HOMER1: variants seen among roughly 807,000 people sequenced by gnomAD.
HOMER1 encodes homer scaffold protein 1, also known as homer protein homolog 1.
A neutral mutation model predicts 48.9 loss-of-function variants in HOMER1; 3 were observed. The ratio of observed to expected loss-of-function variants is 0.06; its 90% CI spans 0.03 to 0.16. HOMER1 has a LOEUF of 0.16. Ranked by LOEUF, HOMER1 falls within the 10% of genes least tolerant of loss-of-function variation. The pLI, the probability that HOMER1 is intolerant of heterozygous loss-of-function variation, is 1.00. For missense variants in HOMER1, 247 were observed against 411.4 expected (o/e 0.60, Z 3.46); for synonymous variants, 134 against 146.4 (o/e 0.92, Z 0.61).
rs1749263058 is a variant in HOMER1 at position 79,391,887 on chromosome 5, T to TG, written c.876+4935dup. On this transcript the variant is annotated intron_variant, in intron 8 of 8. Coordinates refer to ENST00000334082, the MANE Select transcript of HOMER1 (RefSeq NM_004272.5). Reference sequence around the variant, plus strand: ...CCATTGAATACAGTCATGCACAGCATGACAATGCATGACAATGTTTTGATC... The same window carrying TG: ...CCATTGAATACAGTCATGCACAGCATGGACAATGCATGACAATGTTTTGATC... Among the ~76,000 whole-genome samples the TG allele has an allele frequency of 2.6e-5, 4 of 152,178 alleles. No individual in the cohort carries two copies. The South Asian group carries it at 8.3e-4, about 31-fold the overall frequency.
intron 1 of HOMER1, among the ~76,000 whole-genome samples, chr5:79,484,660 A>C (rs1048578997): frequency 6.6e-6 from 1 of 152,210 alleles, no homozygotes; most frequent in Non-Finnish European, 1.5e-5. Flanking sequence ...CCACCTTAAA[A>C]ATCATTTTAA....
At chr5:79,398,149 GAT>G (rs1200051544) in intron 6 of HOMER1, among the ~76,000 whole-genome samples, 3 of 152,120 alleles carry the variant, frequency 2.0e-5, no homozygotes, top group Non-Finnish European at 4.4e-5. Context: ...TTACGGGTAA[GAT>G]AAAATTTTGT....
rs188278861 is a variant in HOMER1 at position 79,447,893 on chromosome 5, A to G, written c.295-748T>C. The stretch of plus-strand genomic sequence containing the variant: ...ATCAGTGAGAATAAGTTAAGACTAC[A>G]TAATAACTACATGTAAAAACCCCAA... On this transcript the variant is annotated intron_variant, in intron 3 of 8. Transcript: ENST00000334082. 5.0e-3 allele frequency among the ~76,000 whole-genome samples: 760 copies of G among 152,344 alleles called. 7 individuals carry two copies. Among genetic ancestry groups the G allele is most frequent in the South Asian group, 7.7e-3 (37 of 4,832 alleles).
chr5:79,413,336 A>T (rs188501887), intron 5 of HOMER1, among the ~76,000 whole-genome samples: 1 of 152,358 alleles, frequency 6.6e-6, no homozygotes, highest in African/African-American at 2.4e-5. Context: ...ATCCTGTATC[A>T]CATGTATTAG....
intron 1 of HOMER1, among the ~76,000 whole-genome samples, chr5:79,478,464 G>A (rs1270802240): frequency 9.2e-5 from 14 of 151,780 alleles, no homozygotes; most frequent in African/African-American, 1.9e-4. Context: ...CGAGGCGGGC[G>A]GATTGCCTGA....
At chr5:79,378,861 C>T (rs998810747) in intron 8 of HOMER1, among the ~76,000 whole-genome samples, 2 of 151,504 alleles carry the variant, frequency 1.3e-5, no homozygotes, top group Non-Finnish European at 2.9e-5. Context: ...TTGTGTTATT[C>T]TCTCTAGAAT....
chr5:79,414,590 G>C (rs1749896648), intron 5 of HOMER1, among the ~76,000 whole-genome samples: 1 of 152,002 alleles, frequency 6.6e-6, no homozygotes, highest in Non-Finnish European at 1.5e-5. Context: ...TGTTGCCCAG[G>C]CTGGTCTTGA....
chr5:79,380,003 T>TAATC (rs1748924734), intron 8 of HOMER1, among the ~76,000 whole-genome samples: 1 of 152,192 alleles, frequency 6.6e-6, no homozygotes, highest in South Asian at 2.1e-4. Flanking sequence ...AAATAGTGAC[T>TAATC]AATCATACTT....
rs1468103178 is a variant in HOMER1, at chr5:79,375,379, C to A, written c.*630G>T. On this transcript the variant is annotated 3_prime_UTR_variant, in exon 9 of 9. Transcript: ENST00000334082. The stretch of plus-strand genomic sequence containing the variant: ...CAAGATTAGAGAACACCAGAGTGTA[C>A]CAGAGTAGTCACCAGAGTGAAATAT... The A allele has an allele frequency of 1.3e-5, 2 of 151,942 alleles. No homozygotes were observed. Among genetic ancestry groups the A allele is most frequent in the Non-Finnish European group, 2.9e-5 (2 of 67,928 alleles). 9.4% of individuals were successfully genotyped at this position (151,942 alleles called of 1,614,324 possible).
At chr5:79,496,531 T>C (rs115980269) in intron 1 of HOMER1, among the ~76,000 whole-genome samples, 1,525 of 152,206 alleles carry the variant, frequency 0.01, 21 homozygotes, top group African/African-American at 0.035. Flanking sequence ...CTTACCATCT[T>C]AGACAATAGA....
chr5:79,449,529 G>A (rs573517591), intron 3 of HOMER1, among the ~76,000 whole-genome samples: 1 of 152,318 alleles, frequency 6.6e-6, no homozygotes, highest in South Asian at 2.1e-4. Context: ...CTAGAGTGCA[G>A]TGTCGCAATC....
intron 5 of HOMER1, among the ~76,000 whole-genome samples, chr5:79,432,396 G>GA (rs1170650192): frequency 1.3e-5 from 2 of 152,170 alleles, no homozygotes; most frequent in East Asian, 3.9e-4. Flanking sequence ...TAGTCTTCTT[G>GA]AAAAGAGAAA....
At chr5:79,437,553 T>C (rs180844954) in intron 5 of HOMER1, among the ~76,000 whole-genome samples, 24 of 152,364 alleles carry the variant, frequency 1.6e-4, no homozygotes, top group Admixed American at 7.2e-4. Context: ...ACAATAAATC[T>C]ATAACTCCAC....
At position 79,424,475 on chromosome 5, in the gene HOMER1, T is replaced by G. The variant is rs539138287; in HGVS notation, c.527+14535A>C. On this transcript the variant is annotated intron_variant, in intron 5 of 8. Transcript: ENST00000334082. ...CTGCATTATCTTCCATTTAAAAATG[T>G]TACCTAATGTCTATTCATAACTATG... Among the ~76,000 whole-genome samples the G allele has an allele frequency of 3.3e-5, 5 of 152,184 alleles. 1 individual carries two copies. In the South Asian group the frequency reaches 1.0e-3, roughly 32 times the overall value.
At chr5:79,420,117 A>G (rs902122277) in intron 5 of HOMER1, among the ~76,000 whole-genome samples, 4 of 152,236 alleles carry the variant, frequency 2.6e-5, no homozygotes, top group Non-Finnish European at 5.9e-5. Context: ...TTAAGCAATC[A>G]ATGTATTAAA....
chr5:79,388,475 A>G (rs1292427546), intron 8 of HOMER1, among the ~76,000 whole-genome samples: 3 of 152,216 alleles, frequency 2.0e-5, no homozygotes, highest in Non-Finnish European at 4.4e-5. Context: ...AGAAAATACT[A>G]AAAACACTTG....
intron 5 of HOMER1, among the ~76,000 whole-genome samples, chr5:79,420,547 T>C (rs767742046): frequency 1.3e-5 from 2 of 152,208 alleles, no homozygotes; most frequent in African/African-American, 2.4e-5. Flanking sequence ...AGTAATTATA[T>C]AGTTATGCAA....
intron 1 of HOMER1, among the ~76,000 whole-genome samples, chr5:79,488,697 A>G (rs1752187252): frequency 6.6e-6 from 1 of 152,248 alleles, no homozygotes; most frequent in South Asian, 2.1e-4. Context: ...TAATAAATAG[A>G]AAATAAATTT....
Position 79,472,712 on chromosome 5 carries a change from G to A in HOMER1, c.6-15694C>T, listed in dbSNP as rs184679285. Among the ~76,000 whole-genome samples, 36 of 152,172 alleles carry A rather than the reference G, an allele frequency of 2.4e-4. 1 individual carries two copies. The highest frequency in any genetic ancestry group is 2.0e-3 in the Admixed American group (31 of 15,284). ...GAGGATCGCTTGAGCCCGTAAGTTT[G>A]AGGTTATAATGAGCTATGTCTGTGC... is the stretch of plus-strand genomic sequence containing the variant. On this transcript the variant is annotated intron_variant, in intron 1 of 8. Coordinates refer to ENST00000334082, the MANE Select transcript of HOMER1 (RefSeq NM_004272.5).
Sources: gnomAD v4.1 joint callset for allele counts (sites outside exome capture counted in the v4.1 genomes callset) on GRCh38, gnomAD v4.1.1 for gene constraint, MANE v1.5 for transcripts, NCBI Gene and HGNC (gene_info 2026-07-23, HGNC 2026-07-21) for gene names.